Variants in CNKSR2 observed in about 807,000 individuals in gnomAD.
CNKSR2 encodes connector enhancer of kinase suppressor of Ras 2, also known as CNK homolog protein 2.
In CNKSR2, 14 loss-of-function variants were observed where a neutral mutation model predicts 84.4. The ratio of observed to expected loss-of-function variants is 0.17; its 90% CI spans 0.11 to 0.26. The LOEUF (loss-of-function observed/expected upper bound fraction) is 0.26. Among genes scored for constraint, CNKSR2 ranks in the 10% least tolerant of loss-of-function variants. The pLI is 1.00. For synonymous variants in CNKSR2, 275 were observed against 277.9 expected (o/e 0.99, Z 0.10); for missense variants, 485 against 771.2 (o/e 0.63, Z 4.40).
chrX:21,397,429 T>G (rs1176267574), intron 1 of CNKSR2, among the ~76,000 whole-genome samples: 1 of 111,819 alleles, frequency 8.9e-6, no homozygotes, highest in Non-Finnish European at 1.9e-5. Context: ...TATATTAGAA[T>G]AAATTGGTCC....
chrX:21,392,501 C>G (rs2090064253), intron 1 of CNKSR2, among the ~76,000 whole-genome samples: 1 of 111,299 alleles, frequency 9.0e-6, no homozygotes, highest in Non-Finnish European at 1.9e-5. Context: ...AGGAAGAGAG[C>G]AAAGGGGAAG....
chrX:21,467,312 C>T (rs2091141097), intron 4 of CNKSR2, among the ~76,000 whole-genome samples: 2 of 110,899 alleles, frequency 1.8e-5, no homozygotes, highest in Non-Finnish European at 3.8e-5. Context: ...TTTAACCCAC[C>T]CCTCAAATGA....
chrX:21,516,731 A>C lies in CNKSR2; in HGVS notation c.957+100A>C, dbSNP rs2091731212. 6 of 754,994 alleles carry C rather than the reference A, an allele frequency of 7.9e-6. No homozygotes were observed. In the South Asian group the frequency reaches 1.7e-4, roughly 22 times the overall value. The allele number at this position is 754,994 out of a possible 1,213,427, so 62.2% of individuals were successfully genotyped here. A position where few individuals can be genotyped will look rare whatever the true frequency, so the allele number is the denominator to read the frequency against. On this transcript the variant is annotated intron_variant, in intron 9 of 21. Coordinates refer to ENST00000379510, the MANE Select transcript of CNKSR2 (RefSeq NM_014927.5). The stretch of plus-strand genomic sequence containing the variant: ...CCTCATCTCAGCAGCATATGGATTA[A>C]TCTTGTATGCTTTTGAAAAGTTGTT...
intron 4 of CNKSR2, among the ~76,000 whole-genome samples, chrX:21,452,046 C>G (rs1019357191): frequency 9.0e-5 from 10 of 111,077 alleles, no homozygotes; most frequent in African/African-American, 3.3e-4. Flanking sequence ...ATTAAAGTTA[C>G]AGGGATTACA....
chrX:21,386,258 T>C (rs2146955169), intron 1 of CNKSR2, among the ~76,000 whole-genome samples: 1 of 111,644 alleles, frequency 9.0e-6, no homozygotes, highest in South Asian at 3.8e-4. Flanking sequence ...GGTGCGTTCC[T>C]ATGGATCCGA....
chrX:21,643,730 C>G (rs1473002801), intron 20 of CNKSR2: 2 of 110,863 alleles, frequency 1.8e-5, no homozygotes, highest in African/African-American at 3.3e-5. Context: ...ATAACTTACC[C>G]CTAAATATGA....
At chrX:21,573,498 G>A (rs2092298254) in intron 13 of CNKSR2, among the ~76,000 whole-genome samples, 1 of 112,430 alleles carries the variant, frequency 8.9e-6, no homozygotes. Flanking sequence ...AGACACCCAG[G>A]CATTTCCATA....
intron 20 of CNKSR2, among the ~76,000 whole-genome samples, chrX:21,636,342 A>G (rs1225482617): frequency 2.7e-5 from 3 of 111,435 alleles, no homozygotes; most frequent in Non-Finnish European, 3.8e-5. Context: ...TAAAAAAAAA[A>G]AGTCTACTAT....
At chrX:21,463,177 A>G (rs749670745) in intron 4 of CNKSR2, among the ~76,000 whole-genome samples, 1 of 111,637 alleles carries the variant, frequency 9.0e-6, no homozygotes, top group East Asian at 2.8e-4. Flanking sequence ...CCAGGAATAA[A>G]TGACACTTGG....
chrX:21,582,931 C>G (rs1323397255), intron 13 of CNKSR2, among the ~76,000 whole-genome samples: 1 of 111,655 alleles, frequency 9.0e-6, no homozygotes, highest in East Asian at 2.8e-4. Context: ...GAATCTGATA[C>G]ATATGACATT....
At chrX:21,506,498 G>A (rs1297748211) in intron 8 of CNKSR2, 4 of 111,393 alleles carry the variant, frequency 3.6e-5, no homozygotes, top group Admixed American at 9.5e-5. Flanking sequence ...GAAGTGATAC[G>A]TATTGATATA....
At chrX:21,504,764 A>G (rs2091595601) in intron 8 of CNKSR2, 1 of 295,271 alleles carries the variant, frequency 3.4e-6, no homozygotes, top group Admixed American at 6.1e-5. Context: ...GTCCTTTTTC[A>G]TGTTGCTATA....
intron 20 of CNKSR2, chrX:21,641,682 A>T (rs1439515944): frequency 2.7e-6 from 3 of 1,105,632 alleles, no homozygotes; most frequent in Non-Finnish European, 3.6e-6. Context: ...CTCAACATCA[A>T]CCTCTTGCAA....
intron 1 of CNKSR2, among the ~76,000 whole-genome samples, chrX:21,406,373 T>G (rs959201262): frequency 9.0e-6 from 1 of 111,331 alleles, no homozygotes; most frequent in Non-Finnish European, 1.9e-5. Flanking sequence ...GTTTTCATCT[T>G]TTATTTGAAC....
chrX:21,494,802 C>T (rs972326225), intron 6 of CNKSR2: 1 of 111,571 alleles, frequency 9.0e-6, no homozygotes, highest in Admixed American at 9.5e-5. Flanking sequence ...AATCAAAATG[C>T]ACGTGCTCCC....
intron 13 of CNKSR2, among the ~76,000 whole-genome samples, chrX:21,585,572 G>A (rs2092381660): frequency 9.1e-6 from 1 of 110,466 alleles, no homozygotes; most frequent in Non-Finnish European, 1.9e-5. Context: ...GGAAAAAAAT[G>A]TAATTACTAT....
At chrX:21,566,234 GT>G (rs1373575247) in intron 13 of CNKSR2, among the ~76,000 whole-genome samples, 1 of 112,138 alleles carries the variant, frequency 8.9e-6, no homozygotes, top group South Asian at 3.7e-4. Context: ...AGCTGCCGCT[GT>G]TATAAAACAC....
At chrX:21,418,364 T>G (rs1433498378) in intron 1 of CNKSR2, among the ~76,000 whole-genome samples, 1 of 111,862 alleles carries the variant, frequency 8.9e-6, no homozygotes, top group Non-Finnish European at 1.9e-5. Context: ...TGTGTTTTTT[T>G]TGTGTGGTTA....
At chrX:21,579,575 A>G (rs1241654224) in intron 13 of CNKSR2, among the ~76,000 whole-genome samples, 1 of 112,357 alleles carries the variant, frequency 8.9e-6, no homozygotes, top group African/African-American at 3.2e-5. Context: ...CTCAATTTTT[A>G]TCATATGGTT....
Sources: allele counts gnomAD v4.1 joint callset (sites outside exome capture counted in the v4.1 genomes callset), GRCh38; gene constraint gnomAD v4.1.1; transcripts MANE v1.5; gene names NCBI Gene and HGNC (gene_info 2026-07-23, HGNC 2026-07-21).